MTPAP: variants seen among roughly 807,000 people sequenced by gnomAD.
MTPAP encodes mitochondrial poly(A) polymerase, also known as poly(A) RNA polymerase, mitochondrial.
MTPAP carries 23 observed loss-of-function variants against 48.7 expected under a neutral mutation model. The ratio of observed to expected loss-of-function variants is 0.47; its 90% CI spans 0.34 to 0.67. The LOEUF is 0.67. Among genes scored for constraint, MTPAP ranks in the 30% least tolerant of loss-of-function variants. MTPAP has a pLI of 0.01. For synonymous variants in MTPAP, 257 were observed against 254.1 expected, an observed-to-expected ratio of 1.01 and a Z score of -0.11; for missense variants, 614 against 694.3, an observed-to-expected ratio of 0.88 and a Z score of 1.30.
Position 30,310,416 on chromosome 10 carries a change from T to A in MTPAP, c.*3193A>T, listed in dbSNP as rs1004363976. On this transcript the variant is annotated 3_prime_UTR_variant, in exon 9 of 9. Coordinates refer to ENST00000263063, the MANE Select transcript of MTPAP (RefSeq NM_018109.4). ...GCCTGGCCAACAGAGTAAAACCCCATCTCTACTAAAAATAGAAAACTTAGC... is the reference window on the plus strand; with the variant it reads ...GCCTGGCCAACAGAGTAAAACCCCAACTCTACTAAAAATAGAAAACTTAGC... 6.6e-6 allele frequency: 1 copy of A among 151,492 alleles called. No homozygotes were observed. The highest frequency in any genetic ancestry group is 1.5e-5 in the Non-Finnish European group (1 of 67,914). 9.4% of individuals were successfully genotyped at this position (151,492 alleles called of 1,614,324 possible).
chr10:30,332,071 A>T (rs1391635793), intron 4 of MTPAP, among the ~76,000 whole-genome samples: 1 of 152,260 alleles, frequency 6.6e-6, no homozygotes, highest in Non-Finnish European at 1.5e-5. Flanking sequence ...AAAAGGTAAG[A>T]GAAGAGCTCA....
chr10:30,313,965 C>T lies in MTPAP; in HGVS notation c.1393G>A (p.Glu465Lys), dbSNP rs370032018. 30 of 1,613,228 alleles carry T rather than the reference C, an allele frequency of 1.9e-5. No individual in the cohort carries two copies. Among genetic ancestry groups the T allele is most frequent in the Non-Finnish European group, 2.4e-5 (28 of 1,179,550 alleles). Residue 465 changes from glutamate (E) to lysine (K), a missense_variant, in exon 9 of 9, where the codon GAG (glutamate) becomes AAG (lysine). Transcript: ENST00000263063. ...GGAGAAGAATCAGGTTTGTTTTGCT[C>T]CCTTCCCTATAGATTATTACACAGA... ...KNSINIRQGR[E>K]QNKPDSSPLY...
chr10:30,313,535 A>C lies in MTPAP; in HGVS notation c.*74T>G. Reference sequence around the variant, plus strand: ...GAAAGCTGAGATCTGTGAAAGTTTCAAATCAGTTTTTCCAAGTAAGTCCAC... The same window carrying C: ...GAAAGCTGAGATCTGTGAAAGTTTCCAATCAGTTTTTCCAAGTAAGTCCAC... On this transcript the variant is annotated 3_prime_UTR_variant, in exon 9 of 9. Coordinates refer to ENST00000263063, the MANE Select transcript of MTPAP (RefSeq NM_018109.4). 3 of 1,583,272 alleles carry C rather than the reference A, an allele frequency of 1.9e-6. No homozygotes were observed. Among genetic ancestry groups the C allele is most frequent in the Non-Finnish European group, 2.6e-6 (3 of 1,155,796 alleles).
At chr10:30,337,498 G>A (rs1458554196) in intron 3 of MTPAP, among the ~76,000 whole-genome samples, 1 of 152,062 alleles carries the variant, frequency 6.6e-6, no homozygotes, top group Non-Finnish European at 1.5e-5. Flanking sequence ...CAATACTTTG[G>A]AAGGCCAAGG....
intron 4 of MTPAP, among the ~76,000 whole-genome samples, chr10:30,333,744 A>G (rs1205679485): frequency 6.6e-6 from 1 of 152,066 alleles, no homozygotes; most frequent in Non-Finnish European, 1.5e-5. Flanking sequence ...ATGAAACACT[A>G]TCTCTAAAAT....
rs544358453 is a variant in MTPAP at position 30,330,311 on chromosome 10, T to C, written c.781-3676A>G. Among the ~76,000 whole-genome samples the C allele has an allele frequency of 1.4e-4, 22 of 152,298 alleles. No individual in the cohort carries two copies. In the South Asian group the frequency reaches 4.6e-3, roughly 32 times the overall value. On this transcript the variant is annotated intron_variant, in intron 4 of 8. Transcript: ENST00000263063. Reference sequence around the variant, plus strand: ...GTTCCCTGTCCATTCTCTTTTAAAATACAAACACACACAATTTATGTTAGG... The same window carrying C: ...GTTCCCTGTCCATTCTCTTTTAAAACACAAACACACACAATTTATGTTAGG...
At chr10:30,332,563 G>C (rs1834681537) in intron 4 of MTPAP, among the ~76,000 whole-genome samples, 1 of 152,144 alleles carries the variant, frequency 6.6e-6, no homozygotes, top group African/African-American at 2.4e-5. Context: ...CAAAGTGGTA[G>C]GATTACAGGC....
intron 4 of MTPAP, among the ~76,000 whole-genome samples, chr10:30,329,559 A>T (rs1354952324): frequency 1.3e-5 from 2 of 152,018 alleles, no homozygotes; most frequent in African/African-American, 2.4e-5. Context: ...GATGGTTTAC[A>T]CTTCTTACTT....
Position 30,316,177 on chromosome 10 carries a change from T to C in MTPAP, c.1253A>G (p.Asn418Ser), listed in dbSNP as rs2132844280. Residue 418 changes from asparagine (N) to serine (S), a missense_variant, in exon 7 of 9, where the codon AAC becomes AGC. Asn to Ser is a conservative substitution (Grantham distance 46). This residue lies in a region of MTPAP where 261 missense variants were observed against 355.4 expected (regional missense o/e 0.73). Coordinates refer to ENST00000263063, the MANE Select transcript of MTPAP (RefSeq NM_018109.4). ...AEDKCVIEGN[N>S]CTFVRDLSRI... is the part of the protein sequence containing the mutation. The stretch of plus-strand genomic sequence containing the variant: ...ACTCAAGTCACGAACAAATGTGCAG[T>C]TGTTGCCTTCTATTACACATTTATC... 1.2e-6 allele frequency: 2 copies of C among 1,614,074 alleles called. No homozygotes were observed. Among genetic ancestry groups the C allele is most frequent in the Non-Finnish European group, 1.7e-6 (2 of 1,179,942 alleles).
intron 1 of MTPAP, 103 bp downstream of exon 1, chr10:30,349,016 G>A: frequency 3.9e-6 from 6 of 1,551,716 alleles, no homozygotes; most frequent in Non-Finnish European, 5.3e-6. Context: ...CCACCCTCTT[G>A]CCAAAGGGTC....
chr10:30,326,432 C>T lies in MTPAP; in HGVS notation c.984G>A (p.Thr328=), dbSNP rs773927700. 1.9e-5 allele frequency: 30 copies of T among 1,613,206 alleles called. No homozygotes were observed. The highest frequency in any genetic ancestry group is 1.3e-4 in the Admixed American group (8 of 59,992). Residue 328 remains threonine, a synonymous_variant, in exon 5 of 9, where the codon ACG becomes ACA. Transcript: ENST00000263063. The part of the protein sequence containing the change: ...QASGFQCDLT[T]NNRIALTSSE... ...AATGTAAGCGGTCATACCTATTGTT[C>T]GTAGTCAAATCACACTGAAATCCGG...
chr10:30,324,183 AAC>A (rs1001088647), intron 5 of MTPAP, among the ~76,000 whole-genome samples: 4 of 152,076 alleles, frequency 2.6e-5, no homozygotes, highest in Middle Eastern at 3.4e-3. Context: ...CATCATCTCA[AAC>A]ACACACACAT....
At chr10:30,338,017 T>C (rs1189470089) in intron 3 of MTPAP, among the ~76,000 whole-genome samples, 2 of 152,060 alleles carry the variant, frequency 1.3e-5, no homozygotes, top group Admixed American at 6.6e-5. Flanking sequence ...TGTGAACTAC[T>C]GGGAGGCCAA....
At chr10:30,343,299 G>A (rs2689214) in intron 1 of MTPAP, among the ~76,000 whole-genome samples, 66,385 of 151,336 alleles carry the variant, frequency 0.44, 16,586 homozygotes, top group East Asian at 0.76. Flanking sequence ...CTGCAGTCCC[G>A]GTTACTTGGG....
At chr10:30,317,299 C>T (rs181992863) in intron 6 of MTPAP, among the ~76,000 whole-genome samples, 1 of 152,302 alleles carries the variant, frequency 6.6e-6, no homozygotes, top group East Asian at 1.9e-4. Context: ...CTAGTCAATA[C>T]TTAATTTACA....
chr10:30,340,239 C>T lies in MTPAP; in HGVS notation c.542G>A (p.Cys181Tyr), dbSNP rs1020067841. 4.3e-6 allele frequency: 7 copies of T among 1,613,298 alleles called. No individual in the cohort carries two copies. Among genetic ancestry groups the T allele is most frequent in the Non-Finnish European group, 5.9e-6 (7 of 1,179,236 alleles). The change falls in exon 3 of 9, where the codon TGT becomes TAT. Residue 181 changes from cysteine to tyrosine, a missense_variant. By Grantham distance (194) the Cys-to-Tyr change is radical. Transcript: ENST00000263063. ...RSNKQLFELL[C>Y]YAESIDDQLN... Reference sequence around the variant, plus strand: ...CTAAAAACTTACACTTTCTGCATAACAAAGTAATTCAAAAAGCTGCTTGTT... The same window carrying T: ...CTAAAAACTTACACTTTCTGCATAATAAAGTAATTCAAAAAGCTGCTTGTT...
chr10:30,338,382 T>C (rs1295656403), intron 3 of MTPAP, among the ~76,000 whole-genome samples: 3 of 151,562 alleles, frequency 2.0e-5, no homozygotes, highest in East Asian at 2.0e-4. Context: ...AACTCAAAAA[T>C]AATAAAAGAG....
intron 4 of MTPAP, among the ~76,000 whole-genome samples, chr10:30,329,540 T>G (rs1267959500): frequency 6.6e-6 from 1 of 152,134 alleles, no homozygotes; most frequent in African/African-American, 2.4e-5. Context: ...GGCCACTTCC[T>G]GGGTTCTTGA....
chr10:30,335,214 T>C (rs1834714387), intron 4 of MTPAP, among the ~76,000 whole-genome samples: 1 of 152,200 alleles, frequency 6.6e-6, no homozygotes, highest in Non-Finnish European at 1.5e-5. Context: ...TGGCCGCGTG[T>C]GGTGACTCAC....
Sources: allele counts gnomAD v4.1 joint callset (sites outside exome capture counted in the v4.1 genomes callset), GRCh38; gene constraint gnomAD v4.1.1; regional missense constraint gnomAD v4.1.1; transcripts MANE v1.5; gene names NCBI Gene and HGNC (gene_info 2026-07-23, HGNC 2026-07-21).